Variants in LHX8 observed in about 807,000 individuals in gnomAD.
The protein encoded by LHX8 is LIM homeobox 8.
In LHX8, 12 loss-of-function variants were observed where a neutral mutation model predicts 40.3. The ratio of observed to expected loss-of-function variants is 0.30; its 90% CI spans 0.19 to 0.48. The LOEUF is 0.48. LHX8 is among the 20% of genes least tolerant of loss of function. The pLI, the probability that LHX8 is intolerant of heterozygous loss-of-function variation, is 0.99. For missense variants in LHX8, 344 were observed against 433.7 expected, an observed-to-expected ratio of 0.79 and a Z score of 1.84; for synonymous variants, 179 against 162.0, an observed-to-expected ratio of 1.10 and a Z score of -0.80.
chr1:75,136,903 G>A (rs918167621), intron 2 of LHX8, among the ~76,000 whole-genome samples, 197 bp from the exon 3 acceptor site: 7 of 151,710 alleles, frequency 4.6e-5, no homozygotes, highest in Non-Finnish European at 1.0e-4. Context: ...ATAGGTCAGG[G>A]GTCGGCAGCC....
intron 7 of LHX8, among the ~76,000 whole-genome samples, chr1:75,153,585 T>C (rs1648673903): frequency 2.0e-5 from 3 of 150,386 alleles, no homozygotes; most frequent in Non-Finnish European, 3.0e-5. Flanking sequence ...CTAATTTTTG[T>C]ATTTTTAGTA....
chr1:75,150,578 G>T (rs1648579659), intron 7 of LHX8, among the ~76,000 whole-genome samples: 1 of 152,144 alleles, frequency 6.6e-6, no homozygotes, highest in Non-Finnish European at 1.5e-5. Flanking sequence ...GTCGGGTGGA[G>T]AAGAAGCATG....
At chr1:75,192,597 T>A in the LHX8 span, among the ~76,000 whole-genome samples, 2 of 152,322 alleles carry the variant, frequency 1.3e-5, no homozygotes, top group Admixed American at 1.3e-4. Context: ...TATGCTTCCT[T>A]TTAGTTGTGA....
chr1:75,182,027 T>A, the LHX8 span, among the ~76,000 whole-genome samples: 1 of 152,204 alleles, frequency 6.6e-6, no homozygotes, highest in African/African-American at 2.4e-5. Flanking sequence ...TTTATCTTTG[T>A]TTTTGTTGCA....
At chr1:75,136,781 C>T (rs1236567927) in intron 2 of LHX8, 92 bp downstream of exon 2, 2 of 1,004,334 alleles carry the variant, frequency 2.0e-6, no homozygotes. Context: ...CTTCCAGGGC[C>T]CAGCTGGCCC....
chr1:75,131,181 C>A, upstream of LHX8: 9 of 241,900 alleles, frequency 3.7e-5, no homozygotes, highest in South Asian at 1.1e-4. Flanking sequence ...GCCCCGATCT[C>A]CACAGGTCTG....
At chr1:75,179,797 C>G in the LHX8 span, among the ~76,000 whole-genome samples, 2 of 152,136 alleles carry the variant, frequency 1.3e-5, no homozygotes. Flanking sequence ...ATGGTCTTTA[C>G]AATTTGGCCT....
the LHX8 span, among the ~76,000 whole-genome samples, chr1:75,175,405 C>T: frequency 3.3e-5 from 5 of 152,286 alleles, no homozygotes; most frequent in East Asian, 1.9e-4. Context: ...AGTGGTTATA[C>T]TAGTTCATAT....
chr1:75,136,955 C>A, intron 2 of LHX8, 145 bp from the exon 3 acceptor site: 3 of 947,396 alleles, frequency 3.2e-6, no homozygotes, highest in Non-Finnish European at 4.5e-6. Context: ...GGGAAGAGGG[C>A]GAGAATCGTG....
At chr1:75,160,568 G>T (rs902151180) in intron 8 of LHX8, 1 of 511,258 alleles carries the variant, frequency 2.0e-6, no homozygotes, top group African/African-American at 1.9e-5. Context: ...CAGTGAATGG[G>T]GTATGGATGG....
chr1:75,180,631 G>A, the LHX8 span, among the ~76,000 whole-genome samples: 14,717 of 152,172 alleles, frequency 0.097, 1,048 homozygotes, highest in African/African-American at 0.19. Context: ...CAATGGGTTC[G>A]AACATCCTTC....
intron 1 of LHX8, among the ~76,000 whole-genome samples, chr1:75,129,372 G>A (rs901584257): frequency 6.6e-5 from 10 of 152,192 alleles, no homozygotes; most frequent in Admixed American, 5.2e-4. Context: ...CCAGTCTCCT[G>A]TAGCAGAAAT....
At chr1:75,153,850 A>AT (rs1038876326) in intron 7 of LHX8, among the ~76,000 whole-genome samples, 2 of 152,120 alleles carry the variant, frequency 1.3e-5, no homozygotes, top group African/African-American at 2.4e-5. Context: ...GGTTTTATCT[A>AT]TTTTTTTCTC....
At chr1:75,136,431 T>C (rs971528601) in intron 1 of LHX8, among the ~76,000 whole-genome samples, 172 bp from the exon 2 acceptor site, 2 of 151,720 alleles carry the variant, frequency 1.3e-5, no homozygotes, top group Non-Finnish European at 2.9e-5. Flanking sequence ...CGAAGGAGGC[T>C]GCGCGCCAGC....
At chr1:75,198,612 C>T in the LHX8 span, among the ~76,000 whole-genome samples, 1 of 152,282 alleles carries the variant, frequency 6.6e-6, no homozygotes. Flanking sequence ...CCTGTATTAA[C>T]AGCCTCCATG....
At chr1:75,136,518 G>A in intron 1 of LHX8, 85 bp from the exon 2 acceptor site, 8 of 1,038,900 alleles carry the variant, frequency 7.7e-6, no homozygotes, top group Middle Eastern at 2.0e-4. Flanking sequence ...TCATTAGCTC[G>A]CTCCCCGCGC....
At chr1:75,184,947 A>C in the LHX8 span, among the ~76,000 whole-genome samples, 1 of 152,100 alleles carries the variant, frequency 6.6e-6, no homozygotes, top group Admixed American at 6.5e-5. Context: ...ACAGAAATAA[A>C]AATAACCATC....
chr1:75,175,009 C>A, the LHX8 span, among the ~76,000 whole-genome samples: 1 of 152,154 alleles, frequency 6.6e-6, no homozygotes, highest in East Asian at 1.9e-4. Flanking sequence ...ATCATTCTTA[C>A]GCTTTTGCGT....
chr1:75,136,697 C>G lies in LHX8; in HGVS notation c.75+8C>G, dbSNP rs897679095. ...GCCGGGGAAGAGGGACTGGTGAGTG[C>G]GGAGGGGCTCGCGTGCTGGCAAGAC... On this transcript the variant is annotated splice_region_variant and intron_variant, in intron 2 of 8. Transcript: ENST00000356261. 15 of 1,541,696 alleles carry G rather than the reference C, an allele frequency of 9.7e-6. No individual in the cohort carries two copies. Among genetic ancestry groups the G allele is most frequent in the Admixed American group, 2.0e-5 (1 of 50,926 alleles).
Sources: allele counts gnomAD v4.1 joint callset (sites outside exome capture counted in the v4.1 genomes callset), GRCh38; gene constraint gnomAD v4.1.1; transcripts MANE v1.5; gene names NCBI Gene and HGNC (gene_info 2026-07-23, HGNC 2026-07-21).